Variants in PIK3C3 observed in about 807,000 individuals in gnomAD.
PIK3C3 encodes phosphatidylinositol 3-kinase catalytic subunit type 3.
A neutral mutation model predicts 126.1 loss-of-function variants in PIK3C3; 95 were observed. The ratio of observed to expected loss-of-function variants is 0.75; its 90% CI spans 0.64 to 0.89. The LOEUF (loss-of-function observed/expected upper bound fraction) is 0.89, where lower values mean the gene tolerates loss of function less well. Ranked by LOEUF, PIK3C3 falls within the 40% of genes least tolerant of loss-of-function variation. The pLI is 0.00. For synonymous variants in PIK3C3, 374 were observed against 360.0 expected, an observed-to-expected ratio of 1.04 and a Z score of -0.44; for missense variants, 829 against 1,063.2, an observed-to-expected ratio of 0.78 and a Z score of 3.06.
intron 24 of PIK3C3, among the ~76,000 whole-genome samples, chr18:42,069,378 A>T (rs1985682422): frequency 6.6e-6 from 1 of 152,238 alleles, no homozygotes; most frequent in African/African-American, 2.4e-5. Flanking sequence ...AGATATCATG[A>T]CCACTTGACA....
In PIK3C3 at chr18:42,067,461, G is replaced by A; in HGVS notation, c.2597G>A (p.Ser866Asn). 1.2e-6 allele frequency: 2 copies of A among 1,614,160 alleles called. No individual in the cohort carries two copies. The highest frequency in any genetic ancestry group is 1.7e-6 in the Non-Finnish European group (2 of 1,179,992). ...VHYMQSLIDESVHALFAAVVE... is the reference protein window; with the variant it reads ...VHYMQSLIDENVHALFAAVVE... ...TACATGCAGAGTCTGATTGATGAGA[G>A]TGTCCATGCTCTTTTTGCTGCAGTG... Residue 866 changes from serine (S) to asparagine (N), a missense_variant, in exon 24 of 25, where the codon AGT becomes AAT. Around this residue, in one of 4 missense-constraint regions of PIK3C3, gnomAD observed 196 missense variants for 312.8 expected, o/e 0.63. Transcript: ENST00000262039.
intron 24 of PIK3C3, among the ~76,000 whole-genome samples, chr18:42,068,881 C>T (rs1041202748): frequency 2.8e-5 from 4 of 142,348 alleles, no homozygotes; most frequent in Non-Finnish European, 4.5e-5. Flanking sequence ...ACCTGGGAGG[C>T]GGAGGTTGCG....
intron 22 of PIK3C3, 31 bp downstream of exon 22, chr18:42,058,082 G>T: frequency 6.6e-7 from 1 of 1,516,030 alleles, no homozygotes; most frequent in South Asian, 1.3e-5. Context: ...CAGAGAATTT[G>T]GGTAAATTTA....
Position 41,995,975 on chromosome 18 carries a change from C to A in PIK3C3, c.872C>A (p.Ala291Asp). The A allele has an allele frequency of 6.2e-7, 1 of 1,605,982 alleles. No homozygotes were observed. The highest frequency in any genetic ancestry group is 8.5e-7 in the Non-Finnish European group (1 of 1,173,080). The change falls in exon 8 of 25, where the codon GCC (alanine) becomes GAC (aspartate). Residue 291 changes from alanine (A) to aspartate (D), a missense_variant. This residue lies in a region of PIK3C3 where 64 missense variants were observed against 118.7 expected (regional missense o/e 0.54). Coordinates refer to ENST00000262039, the MANE Select transcript of PIK3C3 (RefSeq NM_002647.4). ...PSDHDLKPNA[A>D]TRDQLNIIVS... ...GACCACGATCTGAAACCCAATGCTG[C>A]CACGAGAGATCAGTTAAATGTAAGA... is the stretch of plus-strand genomic sequence containing the variant.
chr18:41,984,758 C>G (rs1239125863), intron 4 of PIK3C3: 3 of 152,196 alleles, frequency 2.0e-5, no homozygotes, highest in Non-Finnish European at 4.4e-5. Flanking sequence ...CTTGGACTCT[C>G]TGATAAGTAA....
rs1984272665 is a variant in PIK3C3, at chr18:42,040,687, G to A, written c.2049G>A (p.Gln683=). ...LATSTKHGFM[Q]FIQSVPVAEV... ...TACATTTCTGTGTAGGCTTCATGCA[G>A]TTTATCCAGTCAGTTCCTGTGGCTG... Residue 683 remains glutamine (Q), a synonymous_variant, in exon 19 of 25, where the codon CAG becomes CAA. Transcript: ENST00000262039. 6.2e-7 allele frequency: 1 copy of A among 1,610,160 alleles called. No individual in the cohort carries two copies. The highest frequency in any genetic ancestry group is 8.5e-7 in the Non-Finnish European group (1 of 1,176,808).
intron 2 of PIK3C3, 118 bp from the exon 3 acceptor site, chr18:41,962,371 A>G (rs1461288595): frequency 1.8e-5 from 12 of 666,854 alleles, no homozygotes; most frequent in Non-Finnish European, 2.5e-5. Flanking sequence ...TATTTTTTAG[A>G]GTCTAACAAC....
intron 15 of PIK3C3, among the ~76,000 whole-genome samples, chr18:42,031,079 T>C (rs1288436667): frequency 6.6e-6 from 1 of 152,198 alleles, no homozygotes; most frequent in African/African-American, 2.4e-5. Flanking sequence ...AACAATTTTA[T>C]TTACATATAT....
intron 15 of PIK3C3, among the ~76,000 whole-genome samples, chr18:42,031,597 A>G (rs1380747079): frequency 6.6e-6 from 1 of 151,982 alleles, no homozygotes; most frequent in Non-Finnish European, 1.5e-5. Flanking sequence ...GCTAATTTTT[A>G]GTAAAGATGG....
chr18:42,059,806 C>G (rs1457474881), intron 22 of PIK3C3: 4 of 148,192 alleles, frequency 2.7e-5, no homozygotes, highest in Non-Finnish European at 5.9e-5. Flanking sequence ...TTGTCACTGT[C>G]GCCCAGGTTG....
At position 42,082,779 on chromosome 18, in the gene PIK3C3, G is replaced by T. The variant is rs1282982779; in HGVS notation, c.*1642G>T. On this transcript the variant is annotated 3_prime_UTR_variant, in exon 25 of 25. Coordinates refer to ENST00000262039, the MANE Select transcript of PIK3C3 (RefSeq NM_002647.4). ...AAAGTAAATATCTTCAGCTTTGGGG[G>T]GCATATGATCCCAATAGCATCAACT... 6.6e-6 allele frequency: 1 copy of T among 152,034 alleles called. No homozygotes were observed. Among genetic ancestry groups the T allele is most frequent in the African/African-American group, 2.4e-5 (1 of 41,388 alleles). The allele number at this position is 152,034 out of a possible 1,614,324, so 9.4% of individuals were successfully genotyped here.
In PIK3C3 at chr18:42,085,477, C is replaced by T. The variant is rs976231481; in HGVS notation, c.*4340C>T. ...TTAATTTTGAGACTAGTATTTCATA[C>T]AGAAAAAGCTAATACTGATATCACA... is the stretch of plus-strand genomic sequence containing the variant. On this transcript the variant is annotated 3_prime_UTR_variant, in exon 25 of 25. Transcript: ENST00000262039. 8.5e-5 allele frequency: 13 copies of T among 152,080 alleles called. No homozygotes were observed. Among genetic ancestry groups the T allele is most frequent in the African/African-American group, 3.1e-4 (13 of 41,410 alleles). 9.4% of individuals were successfully genotyped at this position (152,080 alleles called of 1,614,324 possible). A position where few individuals can be genotyped will look rare whatever the true frequency, so the allele number is the denominator to read the frequency against.
chr18:41,967,928 TCTC>T (rs1395826819), intron 3 of PIK3C3, among the ~76,000 whole-genome samples: 2 of 152,160 alleles, frequency 1.3e-5, no homozygotes, highest in African/African-American at 4.8e-5. Flanking sequence ...TGCTGTTTCT[TCTC>T]TCTCGCCTGT....
chr18:42,024,059 A>G (rs1246722536), intron 13 of PIK3C3, among the ~76,000 whole-genome samples: 2 of 152,162 alleles, frequency 1.3e-5, no homozygotes, highest in Non-Finnish European at 2.9e-5. Flanking sequence ...TTTTATAGTC[A>G]TTCTAGGGTG....
intron 21 of PIK3C3, among the ~76,000 whole-genome samples, chr18:42,055,642 T>A (rs569675919): frequency 1.3e-5 from 2 of 152,090 alleles, no homozygotes; most frequent in African/African-American, 4.8e-5. Flanking sequence ...AGGGAAGAAT[T>A]TTTGGAGTTG....
intron 24 of PIK3C3, among the ~76,000 whole-genome samples, chr18:42,077,611 C>G (rs998634571): frequency 2.6e-5 from 4 of 152,190 alleles, no homozygotes; most frequent in Non-Finnish European, 5.9e-5. Context: ...TATTCAGGCT[C>G]CACTTCTAAT....
chr18:42,000,686 C>T (rs1199165322), intron 9 of PIK3C3, among the ~76,000 whole-genome samples: 6 of 152,166 alleles, frequency 3.9e-5, no homozygotes, highest in Admixed American at 2.6e-4. Flanking sequence ...CTGGGGAGGC[C>T]TCACAATCAT....
intron 4 of PIK3C3, among the ~76,000 whole-genome samples, chr18:41,974,511 G>A (rs1457087248): frequency 6.6e-6 from 1 of 151,994 alleles, no homozygotes; most frequent in East Asian, 1.9e-4. Flanking sequence ...ACTTCTAGTA[G>A]GGAATGAAAG....
chr18:41,955,347 T>C lies in PIK3C3; in HGVS notation c.56T>C (p.Val19Ala), dbSNP rs751284887. 1 of 1,613,472 alleles carries C rather than the reference T, an allele frequency of 6.2e-7. No homozygotes were observed. Among genetic ancestry groups the C allele is most frequent in the East Asian group, 2.2e-5 (1 of 44,832 alleles). Residue 19 changes from valine to alanine, a missense_variant, in exon 1 of 25, where the codon GTC (valine) becomes GCC (alanine). By Grantham distance (64) the Val-to-Ala change is moderately conservative. This residue lies in a region of PIK3C3 where 313 missense variants were observed against 340.7 expected (regional missense o/e 0.92). Transcript: ENST00000262039. ...YIYSCDLDIN[V>A]QLKIGSLEGK... ...TATAGTTGTGACCTGGATATCAACG[T>C]CCAGCTTAAGATGTAAGAGAACACT... is the stretch of plus-strand genomic sequence containing the variant.
Sources: gnomAD v4.1 joint callset for allele counts (sites outside exome capture counted in the v4.1 genomes callset) on GRCh38, gnomAD v4.1.1 for gene constraint, gnomAD v4.1.1 regional missense constraint, MANE v1.5 for transcripts, NCBI Gene and HGNC (gene_info 2026-07-23, HGNC 2026-07-21) for gene names.